Variants in PRKG1 observed in about 807,000 individuals in gnomAD.
The protein encoded by PRKG1 is cGMP-dependent protein kinase 1.
PRKG1 carries 35 observed loss-of-function variants against 88.1 expected under a neutral mutation model. That is an observed-to-expected ratio of 0.40 (90% CI 0.30 to 0.53). The LOEUF (loss-of-function observed/expected upper bound fraction) is 0.53. Ranked by LOEUF, PRKG1 falls within the 20% of genes least tolerant of loss-of-function variation. The pLI is 0.59. For missense variants in PRKG1, 540 were observed against 839.8 expected, an observed-to-expected ratio of 0.64 and a Z score of 4.41; for synonymous variants, 303 against 292.5, an observed-to-expected ratio of 1.04 and a Z score of -0.37.
intron 1 of PRKG1, among the ~76,000 whole-genome samples, chr10:51,118,234 T>G (rs779346336): frequency 6.6e-6 from 1 of 151,968 alleles, no homozygotes. Flanking sequence ...CAAAGAGAAG[T>G]GGATATAATG....
chr10:51,622,758 T>G (rs1472934534), intron 3 of PRKG1, among the ~76,000 whole-genome samples: 2 of 152,178 alleles, frequency 1.3e-5, no homozygotes, highest in Non-Finnish European at 2.9e-5. Context: ...GCAAGAACAG[T>G]GCTTTTTGGC....
chr10:52,129,568 G>C (rs1020504159), intron 7 of PRKG1, among the ~76,000 whole-genome samples: 1 of 152,160 alleles, frequency 6.6e-6, no homozygotes, highest in Admixed American at 6.5e-5. Flanking sequence ...CACCCTCTTA[G>C]AGAGCTACAA....
At chr10:51,843,098 T>G (rs1840319235) in intron 4 of PRKG1, among the ~76,000 whole-genome samples, 1 of 143,634 alleles carries the variant, frequency 7.0e-6, no homozygotes, top group African/African-American at 2.6e-5. Flanking sequence ...TTATTCTTTT[T>G]TTTTTTTTTT....
At chr10:51,467,699 A>G (rs1369180747) in intron 2 of PRKG1, 24 bp from the exon 3 acceptor site, 2 of 1,535,748 alleles carry the variant, frequency 1.3e-6, no homozygotes, top group Non-Finnish European at 1.8e-6. Flanking sequence ...TTTATATAAC[A>G]TGTTTTTCCC....
chr10:51,067,426 G>A (rs759237051), intron 1 of PRKG1, among the ~76,000 whole-genome samples: 6 of 151,912 alleles, frequency 3.9e-5, no homozygotes, highest in Non-Finnish European at 7.4e-5. Context: ...TTCTGATGGA[G>A]GGTCTAACCA....
intron 5 of PRKG1, among the ~76,000 whole-genome samples, chr10:51,945,365 A>G (rs1247204312): frequency 1.3e-4 from 19 of 151,298 alleles, no homozygotes; most frequent in African/African-American, 2.4e-4. Flanking sequence ...ACGTGAGATG[A>G]GTTTCCTGAA....
At chr10:51,611,054 TA>T (rs759867340) in intron 3 of PRKG1, among the ~76,000 whole-genome samples, 2,493 of 144,994 alleles carry the variant, frequency 0.017, 43 homozygotes, top group African/African-American at 0.05. Flanking sequence ...AACTTACAGT[TA>T]AAAAAAAAAA....
chr10:51,762,968 G>C (rs142399982), intron 3 of PRKG1, among the ~76,000 whole-genome samples: 1 of 152,268 alleles, frequency 6.6e-6, no homozygotes, highest in African/African-American at 2.4e-5. Context: ...TGGTATCCTA[G>C]TCCCAACTCT....
intron 9 of PRKG1, among the ~76,000 whole-genome samples, chr10:52,243,487 T>C (rs902714760): frequency 2.6e-5 from 4 of 152,166 alleles, no homozygotes; most frequent in Admixed American, 2.6e-4. Flanking sequence ...TCCACTGTTT[T>C]GAAGTGTGTT....
intron 4 of PRKG1, among the ~76,000 whole-genome samples, chr10:51,819,762 G>A (rs924730864): frequency 2.6e-5 from 4 of 152,144 alleles, no homozygotes; most frequent in African/African-American, 9.7e-5. Context: ...GGCACATAGG[G>A]ACAGATCTGG....
chr10:51,828,795 AT>A, intron 4 of PRKG1, among the ~76,000 whole-genome samples: 1 of 152,292 alleles, frequency 6.6e-6, no homozygotes, highest in African/African-American at 2.4e-5. Flanking sequence ...CAAAACATTT[AT>A]TTTGTTTCAA....
intron 4 of PRKG1, among the ~76,000 whole-genome samples, chr10:51,868,165 G>A (rs1841062891): frequency 6.6e-6 from 1 of 152,128 alleles, no homozygotes; most frequent in Non-Finnish European, 1.5e-5. Context: ...ATTGGAATAA[G>A]CAAGGACGAC....
chr10:51,213,028 C>A (rs529967513), intron 2 of PRKG1, among the ~76,000 whole-genome samples: 1 of 151,962 alleles, frequency 6.6e-6, no homozygotes, highest in East Asian at 1.9e-4. Flanking sequence ...ATGTTTATTG[C>A]GGCACTATTC....
chr10:51,230,165 G>A (rs1421182331), intron 2 of PRKG1, among the ~76,000 whole-genome samples: 1 of 152,008 alleles, frequency 6.6e-6, no homozygotes, highest in Non-Finnish European at 1.5e-5. Context: ...CCACTAAAGA[G>A]AATAAAAATG....
intron 5 of PRKG1, among the ~76,000 whole-genome samples, chr10:51,996,891 C>T (rs1056341121): frequency 6.6e-6 from 1 of 152,008 alleles, no homozygotes; most frequent in African/African-American, 2.4e-5. Flanking sequence ...CCTGAATGTT[C>T]ATCAAGGGAT....
intron 3 of PRKG1, among the ~76,000 whole-genome samples, chr10:51,693,221 G>A (rs1364723905): frequency 6.8e-6 from 1 of 148,142 alleles, no homozygotes; most frequent in Non-Finnish European, 1.5e-5. Flanking sequence ...CCAGGAGGCA[G>A]AGGTTGCAGT....
chr10:51,036,105 T>A (rs150469487), intron 1 of PRKG1, among the ~76,000 whole-genome samples: 1 of 152,336 alleles, frequency 6.6e-6, no homozygotes, highest in East Asian at 1.9e-4. Context: ...TGCTCCTTGC[T>A]GTCCCCTTGC....
chr10:51,652,649 T>C lies in PRKG1; in HGVS notation c.593-151936T>C, dbSNP rs367904962. ...CAAATAATTGTATATATTTATAGGA[T>C]ACAAAGTAATGTTTTGATATATGAA... On this transcript the variant is annotated intron_variant, in intron 3 of 17. Coordinates refer to ENST00000373980, the MANE Select transcript of PRKG1 (RefSeq NM_006258.4). Among the ~76,000 whole-genome samples the C allele has an allele frequency of 5.3e-5, 8 of 152,344 alleles. No homozygotes were observed. The East Asian group carries it at 1.5e-3, about 29-fold the overall frequency.
At chr10:51,284,965 T>C (rs554904069) in intron 2 of PRKG1, among the ~76,000 whole-genome samples, 10 of 145,254 alleles carry the variant, frequency 6.9e-5, no homozygotes, top group African/African-American at 2.3e-4. Flanking sequence ...TACATATGTA[T>C]ACATGTGCCA....
Sources: gnomAD v4.1 joint callset for allele counts (sites outside exome capture counted in the v4.1 genomes callset) on GRCh38, gnomAD v4.1.1 for gene constraint, MANE v1.5 for transcripts, NCBI Gene and HGNC (gene_info 2026-07-23, HGNC 2026-07-21) for gene names.